The following PTPRD variants were observed in gnomAD, a reference collection of about 807,000 sequenced individuals.
PTPRD encodes receptor-type tyrosine-protein phosphatase delta.
Under a neutral mutation model 214.5 loss-of-function variants are expected in PTPRD, and 34 were observed. The observed-to-expected ratio is 0.16, with a 90% CI of 0.12 to 0.21. The LOEUF (loss-of-function observed/expected upper bound fraction) is 0.21, where lower values mean the gene tolerates loss of function less well. Among genes scored for constraint, PTPRD ranks in the 10% least tolerant of loss-of-function variants. The probability of loss-of-function intolerance (pLI) is 1.00; values close to 1 mark genes in which losing one functional copy is unlikely to be tolerated. For synonymous variants in PTPRD, 1,128 were observed against 845.7 expected (o/e 1.33, Z -5.79); for missense variants, 2,545 against 2,398.7 (o/e 1.06, Z -1.27).
At chr9:9,806,599 T>A (rs1367863024) in intron 5 of PTPRD, among the ~76,000 whole-genome samples, 1 of 152,058 alleles carries the variant, frequency 6.6e-6, no homozygotes, top group African/African-American at 2.4e-5. Flanking sequence ...GAACCAATGA[T>A]AATCCCACCA....
chr9:9,656,481 T>C (rs958142558), intron 7 of PTPRD, among the ~76,000 whole-genome samples: 4 of 152,150 alleles, frequency 2.6e-5, no homozygotes, highest in African/African-American at 9.7e-5. Flanking sequence ...ATTAAATACA[T>C]ATCACTAAGA....
intron 7 of PTPRD, among the ~76,000 whole-genome samples, chr9:9,646,014 G>A (rs114676382): frequency 0.019 from 2,955 of 152,186 alleles, 101 homozygotes; most frequent in African/African-American, 0.068. Context: ...AGACAGTGTT[G>A]TTGATGCTGT....
Position 9,310,051 on chromosome 9 carries a change from T to C in PTPRD, c.-203+87398A>G, listed in dbSNP as rs527627493. Among the ~76,000 whole-genome samples, 154 of 152,226 alleles carry C rather than the reference T, an allele frequency of 1.0e-3. 1 individual carries two copies. The highest frequency in any genetic ancestry group is 3.4e-3 in the African/African-American group (143 of 41,546). ...CTACCCCAGAATTCTACAAATTGAA[T>C]GGGAAAATAAAATATTATTCTGAAA... On this transcript the variant is annotated intron_variant, in intron 9 of 45. Transcript: ENST00000381196.
chr9:9,795,838 A>G (rs765971219), intron 5 of PTPRD, among the ~76,000 whole-genome samples: 4 of 152,092 alleles, frequency 2.6e-5, no homozygotes, highest in African/African-American at 9.7e-5. Flanking sequence ...TTCCAGACTA[A>G]ACAGTAGGTA....
chr9:10,090,937 CACACACACACACACACACACACAT>C (rs1340554945), intron 3 of PTPRD, among the ~76,000 whole-genome samples: 2 of 147,860 alleles, frequency 1.4e-5, no homozygotes, highest in African/African-American at 2.5e-5. Flanking sequence ...CACACACACA[CACACACACACACACACACACACAT>C]GCATGTGGTA....
At chr9:10,444,442 C>T (rs79663014) in intron 2 of PTPRD, among the ~76,000 whole-genome samples, 2,153 of 151,782 alleles carry the variant, frequency 0.014, 40 homozygotes, top group African/African-American at 0.046. Flanking sequence ...TCAACTCTTC[C>T]AATTCCATAT....
intron 11 of PTPRD, among the ~76,000 whole-genome samples, chr9:8,813,621 C>T (rs150538159): frequency 0.011 from 1,742 of 152,280 alleles, 40 homozygotes; most frequent in African/African-American, 0.04. Context: ...AATCCTCCCG[C>T]CTCGGCCTCC....
At chr9:9,630,933 C>CA (rs1236963248) in intron 7 of PTPRD, among the ~76,000 whole-genome samples, 1 of 151,708 alleles carries the variant, frequency 6.6e-6, no homozygotes, top group Non-Finnish European at 1.5e-5. Flanking sequence ...CATTAGAAAA[C>CA]AAAAAGGATA....
chr9:10,174,971 T>C (rs1333911862), intron 3 of PTPRD, among the ~76,000 whole-genome samples: 2 of 151,966 alleles, frequency 1.3e-5, no homozygotes, highest in Non-Finnish European at 2.9e-5. Flanking sequence ...AATAGCTAGC[T>C]TGAGATTGTC....
intron 36 of PTPRD, among the ~76,000 whole-genome samples, chr9:8,391,490 A>C (rs2089539220): frequency 6.6e-6 from 1 of 152,162 alleles, no homozygotes; most frequent in Admixed American, 6.6e-5. Context: ...GATTCAAATG[A>C]CGGTTTAAAT....
chr9:8,634,469 T>C (rs903222621), intron 13 of PTPRD, among the ~76,000 whole-genome samples: 2 of 152,054 alleles, frequency 1.3e-5, no homozygotes, highest in African/African-American at 2.4e-5. Context: ...TGTGCATGTG[T>C]ATATTAACAC....
chr9:10,294,181 T>C (rs1366246284), intron 3 of PTPRD, among the ~76,000 whole-genome samples: 1 of 151,836 alleles, frequency 6.6e-6, no homozygotes, highest in African/African-American at 2.4e-5. Flanking sequence ...AAAACCTTTT[T>C]CCCCCAATTT....
In PTPRD at chr9:9,781,996, G is replaced by T. The variant is rs565365857; in HGVS notation, c.-367-15145C>A. Reference sequence around the variant, plus strand: ...TTTAGTAGAGGTGGGGTTTCACCGTGTTAACCAGGATGGTCTCGATCTCCT... The same window carrying T: ...TTTAGTAGAGGTGGGGTTTCACCGTTTTAACCAGGATGGTCTCGATCTCCT... On this transcript the variant is annotated intron_variant, in intron 5 of 45. Transcript: ENST00000381196. Among the ~76,000 whole-genome samples, 3 of 152,192 alleles carry T rather than the reference G, an allele frequency of 2.0e-5. No individual in the cohort carries two copies. In the South Asian group the frequency reaches 6.2e-4, roughly 32 times the overall value.
intron 5 of PTPRD, among the ~76,000 whole-genome samples, chr9:9,786,731 C>G (rs981855542): frequency 6.6e-6 from 1 of 152,038 alleles, no homozygotes; most frequent in African/African-American, 2.4e-5. Flanking sequence ...ACGTAACAAA[C>G]CTGCATGTTG....
chr9:9,557,148 G>T (rs1336348668), intron 8 of PTPRD, among the ~76,000 whole-genome samples: 1 of 152,070 alleles, frequency 6.6e-6, no homozygotes, highest in Non-Finnish European at 1.5e-5. Context: ...TATAGCTCCC[G>T]CAATTGACTT....
intron 3 of PTPRD, among the ~76,000 whole-genome samples, chr9:10,154,158 A>G (rs746693080): frequency 6.6e-6 from 1 of 152,058 alleles, no homozygotes; most frequent in Non-Finnish European, 1.5e-5. Context: ...TTTTAACTAT[A>G]GCCATTCTGA....
At chr9:9,890,573 A>T (rs1327192785) in intron 5 of PTPRD, among the ~76,000 whole-genome samples, 1 of 152,070 alleles carries the variant, frequency 6.6e-6, no homozygotes, top group Non-Finnish European at 1.5e-5. Flanking sequence ...CCTCATTTAC[A>T]TAATATGCCA....
In PTPRD at chr9:9,766,864, A is replaced by G. The variant is rs2098710437; in HGVS notation, c.-367-13T>C. On this transcript the variant is annotated splice_polypyrimidine_tract_variant and intron_variant, in intron 5 of 45. Coordinates refer to ENST00000381196, the MANE Select transcript of PTPRD (RefSeq NM_002839.4). ...TCAGGACAGAAACCTAATATAAAAG[A>G]AAGAATATTTCTATTAATATACTTA... The G allele has an allele frequency of 6.6e-6, 1 of 152,562 alleles. No homozygotes were observed. Among genetic ancestry groups the G allele is most frequent in the Non-Finnish European group, 1.5e-5 (1 of 67,962 alleles). The allele number at this position is 152,562 out of a possible 1,614,324, so 9.5% of individuals were successfully genotyped here.
At chr9:9,338,031 A>C (rs185730247) in intron 9 of PTPRD, among the ~76,000 whole-genome samples, 2 of 152,352 alleles carry the variant, frequency 1.3e-5, no homozygotes, top group African/African-American at 4.8e-5. Flanking sequence ...GTATTTATTC[A>C]GAAGACTTTT....
Sources: gnomAD v4.1 joint callset for allele counts (sites outside exome capture counted in the v4.1 genomes callset) on GRCh38, gnomAD v4.1.1 for gene constraint, MANE v1.5 for transcripts, NCBI Gene and HGNC (gene_info 2026-07-23, HGNC 2026-07-21) for gene names.